The following STIM2 variants were observed in gnomAD, a reference collection of about 807,000 sequenced individuals.
STIM2 encodes stromal interaction molecule 2.
Under a neutral mutation model 85.8 loss-of-function variants are expected in STIM2, and 31 were observed. The ratio of observed to expected loss-of-function variants is 0.36; its 90% CI spans 0.27 to 0.49. The LOEUF (loss-of-function observed/expected upper bound fraction) is 0.49, where lower values mean the gene tolerates loss of function less well. Ranked by LOEUF, STIM2 falls within the 20% of genes least tolerant of loss-of-function variation. STIM2 has a pLI of 0.98. For synonymous variants in STIM2, 356 were observed against 331.1 expected (o/e 1.08, Z -0.82); for missense variants, 841 against 927.6 (o/e 0.91, Z 1.21).
In STIM2 at chr4:26,860,890, C is replaced by A; in HGVS notation, c.-329C>A. On this transcript the variant is annotated 5_prime_UTR_variant, in exon 1 of 12. Transcript: ENST00000467087. The stretch of plus-strand genomic sequence containing the variant: ...GCAGCAGCAGCGCGGGTGTCGTGCA[C>A]CGCCTGAAGACGCCGTACCTTTCTA... 9.7e-7 allele frequency: 1 copy of A among 1,033,028 alleles called. No homozygotes were observed. Among genetic ancestry groups the A allele is most frequent in the Non-Finnish European group, 1.2e-6 (1 of 840,634 alleles). The allele number at this position is 1,033,028 out of a possible 1,614,324, so 64.0% of individuals were successfully genotyped here. A position where few individuals can be genotyped will look rare whatever the true frequency, so the allele number is the denominator to read the frequency against.
chr4:26,873,765 A>C (rs1722714408), intron 1 of STIM2: 1 of 877,564 alleles, frequency 1.1e-6, no homozygotes, highest in Non-Finnish European at 1.9e-6. Flanking sequence ...TGTCAGACTC[A>C]CTGGGAGAGC....
In STIM2 at chr4:26,952,057, C is replaced by A. The variant is rs145794488; in HGVS notation, c.283-5555C>A. ...AGACCATCAGATCTTGTGAGACTTA[C>A]TACCACGAGAACAGTATGGGGGAAA... On this transcript the variant is annotated intron_variant, in intron 2 of 11. Coordinates refer to ENST00000467087, the MANE Select transcript of STIM2 (RefSeq NM_020860.4). 6.0e-3 allele frequency among the ~76,000 whole-genome samples: 911 copies of A among 152,232 alleles called. 6 individuals are homozygous for A. Among genetic ancestry groups the A allele is most frequent in the Non-Finnish European group, 9.0e-3 (613 of 68,012 alleles).
At chr4:26,960,399 AAC>A (rs146409620) in intron 3 of STIM2, among the ~76,000 whole-genome samples, 5 of 152,060 alleles carry the variant, frequency 3.3e-5, no homozygotes, top group Admixed American at 3.3e-4. Context: ...GTATATATAA[AAC>A]ACACACACAC....
intron 1 of STIM2, among the ~76,000 whole-genome samples, chr4:26,905,920 A>G (rs1724105622): frequency 6.6e-6 from 1 of 152,140 alleles, no homozygotes; most frequent in Non-Finnish European, 1.5e-5. Flanking sequence ...TTTAACTGTT[A>G]ATAACTGGTT....
At chr4:27,010,592 G>C (rs1227971570) in intron 10 of STIM2, among the ~76,000 whole-genome samples, 5 of 152,130 alleles carry the variant, frequency 3.3e-5, no homozygotes, top group Admixed American at 6.5e-5. Context: ...CTAATTTCTG[G>C]ACCTGATAAA....
intron 2 of STIM2, among the ~76,000 whole-genome samples, chr4:26,934,517 T>A (rs1725324840): frequency 6.6e-6 from 1 of 152,238 alleles, no homozygotes. Context: ...GGTTTCTTCA[T>A]CATATAGCAC....
chr4:26,861,454 C>T (rs1397756245), intron 1 of STIM2, 85 bp downstream of exon 1: 3 of 1,236,698 alleles, frequency 2.4e-6, no homozygotes, highest in Non-Finnish European at 1.0e-6. Flanking sequence ...CTCCGCCGGA[C>T]GTCCGCTATT....
At chr4:26,882,801 G>C (rs979920821) in intron 1 of STIM2, among the ~76,000 whole-genome samples, 3 of 150,852 alleles carry the variant, frequency 2.0e-5, no homozygotes, top group African/African-American at 7.3e-5. Context: ...TGTAAATCCA[G>C]GTGCTATCTG....
At chr4:26,991,667 A>G (rs911466223) in intron 3 of STIM2, among the ~76,000 whole-genome samples, 1 of 152,140 alleles carries the variant, frequency 6.6e-6, no homozygotes, top group Admixed American at 6.5e-5. Context: ...ACGTGTATCA[A>G]AATACCATAT....
chr4:26,870,693 A>T (rs13124815), intron 1 of STIM2, among the ~76,000 whole-genome samples: 2 of 152,176 alleles, frequency 1.3e-5, no homozygotes, highest in African/African-American at 4.8e-5. Context: ...TGTGCCAGAC[A>T]CCAGTTGGGT....
At position 26,999,310 on chromosome 4, in the gene STIM2, C is replaced by T; in HGVS notation, c.588C>T (p.Leu196=). Residue 196 remains leucine, a synonymous_variant, in exon 5 of 12, where the codon CTC becomes CTT. Transcript: ENST00000467087. ...GGAGTCACAGACAAAAACTTCAGCT[C>T]AAGGCATTGGATGTGGTTTTGTTTG... 1.9e-6 allele frequency: 3 copies of T among 1,609,568 alleles called. No individual in the cohort carries two copies. The highest frequency in any genetic ancestry group is 2.5e-6 in the Non-Finnish European group (3 of 1,177,898).
At chr4:26,895,954 T>C (rs1339470478) in intron 1 of STIM2, among the ~76,000 whole-genome samples, 2 of 152,212 alleles carry the variant, frequency 1.3e-5, no homozygotes, top group African/African-American at 4.8e-5. Flanking sequence ...CTGTTGGTGA[T>C]GAGTCTGGGC....
intron 2 of STIM2, among the ~76,000 whole-genome samples, chr4:26,941,666 C>A (rs1021295978): frequency 1.3e-5 from 2 of 151,082 alleles, no homozygotes; most frequent in African/African-American, 4.9e-5. Context: ...TACTATGTAG[C>A]AAATTAATGG....
chr4:27,001,845 G>T (rs1187228279), intron 5 of STIM2, among the ~76,000 whole-genome samples: 5 of 152,202 alleles, frequency 3.3e-5, no homozygotes, highest in African/African-American at 1.2e-4. Context: ...AAGGAAGGGA[G>T]TTGGGATGAT....
intron 1 of STIM2, among the ~76,000 whole-genome samples, chr4:26,886,565 A>T (rs1363800322): frequency 6.6e-6 from 1 of 152,178 alleles, no homozygotes; most frequent in Non-Finnish European, 1.5e-5. Flanking sequence ...AGGTGGAGAG[A>T]ATGGCATGTG....
At chr4:26,885,871 A>ATATATG (rs1560194736) in intron 1 of STIM2, among the ~76,000 whole-genome samples, 4 of 117,902 alleles carry the variant, frequency 3.4e-5, no homozygotes, top group African/African-American at 1.4e-4. Flanking sequence ...ATATATATAT[A>ATATATG]TATGTATATG....
intron 2 of STIM2, among the ~76,000 whole-genome samples, chr4:26,931,815 C>T (rs1725215894): frequency 6.6e-6 from 1 of 152,030 alleles, no homozygotes; most frequent in Non-Finnish European, 1.5e-5. Context: ...TATAACGATA[C>T]CATAAAAATA....
At chr4:26,946,552 TTG>T (rs369625295) in intron 2 of STIM2, among the ~76,000 whole-genome samples, 2 of 152,240 alleles carry the variant, frequency 1.3e-5, no homozygotes, top group African/African-American at 2.4e-5. Context: ...CCTGACTAGT[TTG>T]TGTGTGTGTG....
chr4:26,916,198 G>T (rs556482367), intron 1 of STIM2, among the ~76,000 whole-genome samples: 9 of 152,278 alleles, frequency 5.9e-5, no homozygotes, highest in Middle Eastern at 3.4e-3. Context: ...AGGTAATAGA[G>T]TTCAGAATTC....
Sources: gnomAD v4.1 joint callset for allele counts (sites outside exome capture counted in the v4.1 genomes callset) on GRCh38, gnomAD v4.1.1 for gene constraint, MANE v1.5 for transcripts, NCBI Gene and HGNC (gene_info 2026-07-23, HGNC 2026-07-21) for gene names.